Variants in GPR89A observed in about 807,000 individuals in gnomAD.
GPR89A encodes the protein G protein-coupled receptor 89A.
A neutral mutation model predicts 52.0 loss-of-function variants in GPR89A; 16 were observed. The observed-to-expected ratio is 0.31, with a 90% CI of 0.21 to 0.47. The LOEUF (loss-of-function observed/expected upper bound fraction) is 0.47, where lower values mean the gene tolerates loss of function less well. GPR89A is among the 20% of genes least tolerant of loss of function. The pLI is 1.00. For missense variants in GPR89A, 135 were observed against 449.4 expected, an observed-to-expected ratio of 0.30 and a Z score of 6.33; for synonymous variants, 55 against 150.9, an observed-to-expected ratio of 0.36 and a Z score of 4.66.
intron 10 of GPR89A, among the ~76,000 whole-genome samples, chr1:145,654,721 T>C (rs1162519802): frequency 2.6e-5 from 4 of 151,846 alleles, no homozygotes; most frequent in Admixed American, 1.3e-4. Flanking sequence ...CCTTGGAGAA[T>C]CTGATGATTA....
chr1:145,632,269 CAG>C (rs1207522692), intron 7 of GPR89A, among the ~76,000 whole-genome samples: 1 of 152,100 alleles, frequency 6.6e-6, no homozygotes, highest in East Asian at 1.9e-4. Flanking sequence ...AATTTACTCT[CAG>C]TGATTTTGAA....
At chr1:145,626,548 A>G (rs1649510044) in intron 5 of GPR89A, among the ~76,000 whole-genome samples, 1 of 152,070 alleles carries the variant, frequency 6.6e-6, no homozygotes, top group Non-Finnish European at 1.5e-5. Flanking sequence ...AGTAAGGAGG[A>G]AGAAAAGTTT....
chr1:145,662,769 C>CT (rs1261606243), intron 10 of GPR89A, among the ~76,000 whole-genome samples: 32 of 149,856 alleles, frequency 2.1e-4, no homozygotes, highest in Admixed American at 9.3e-4. Flanking sequence ...GTGGTTGTTT[C>CT]TTTTTTTTTA....
intron 5 of GPR89A, among the ~76,000 whole-genome samples, chr1:145,628,681 G>GTCA (rs1343637988): frequency 5.6e-4 from 86 of 152,266 alleles, no homozygotes; most frequent in Non-Finnish European, 8.8e-5. Context: ...ACAGTGCCTA[G>GTCA]TCATAGCAGG....
chr1:145,610,865 G>T (rs1407050420), intron 1 of GPR89A, among the ~76,000 whole-genome samples: 2 of 151,738 alleles, frequency 1.3e-5, no homozygotes, highest in Admixed American at 1.3e-4. Context: ...TTTAACAGTA[G>T]CTAATTTTCA....
At chr1:145,639,712 C>T (rs1165358722) in intron 7 of GPR89A, among the ~76,000 whole-genome samples, 2 of 150,590 alleles carry the variant, frequency 1.3e-5, no homozygotes, top group African/African-American at 4.9e-5. Context: ...GCTCCCCTGC[C>T]CTCCAGCCTG....
chr1:145,658,401 T>A (rs1162485370), intron 10 of GPR89A, among the ~76,000 whole-genome samples: 1 of 150,322 alleles, frequency 6.7e-6, no homozygotes, highest in Non-Finnish European at 1.5e-5. Flanking sequence ...GCCCAGGAGT[T>A]TGAGACTATC....
intron 1 of GPR89A, among the ~76,000 whole-genome samples, chr1:145,613,418 C>T (rs1648437464): frequency 6.6e-6 from 1 of 152,138 alleles, no homozygotes; most frequent in South Asian, 2.1e-4. Context: ...TATAATGTTT[C>T]TCTTTCTACA....
At chr1:145,619,273 C>A in intron 3 of GPR89A, among the ~76,000 whole-genome samples, 1 of 142,640 alleles carries the variant, frequency 7.0e-6, no homozygotes, top group African/African-American at 2.6e-5. Context: ...ACTTACTATA[C>A]AGATGGTTAA....
At chr1:145,655,600 G>T (rs185585877) in intron 10 of GPR89A, among the ~76,000 whole-genome samples, 1 of 152,114 alleles carries the variant, frequency 6.6e-6, no homozygotes, top group African/African-American at 2.4e-5. Context: ...TACCCTACTC[G>T]CCTGGGTCCC....
Position 145,669,818 on chromosome 1 carries a change from T to C in GPR89A, c.1162-16T>C, listed in dbSNP as rs1652855609. ...ACATTCAGAGTCACTTCTGGATTAA[T>C]TCATTTGACTTACAGGGCATGTACT... On this transcript the variant is annotated splice_polypyrimidine_tract_variant and intron_variant, in intron 13 of 13. Transcript: ENST00000313835. 2 of 1,365,648 alleles carry C rather than the reference T, an allele frequency of 1.5e-6. No individual in the cohort carries two copies. Among genetic ancestry groups the C allele is most frequent in the South Asian group, 1.2e-5 (1 of 85,230 alleles). 84.6% of individuals were successfully genotyped at this position (1,365,648 alleles called of 1,614,324 possible).
chr1:145,666,618 T>G (rs1221971460), intron 12 of GPR89A, among the ~76,000 whole-genome samples: 1 of 151,842 alleles, frequency 6.6e-6, no homozygotes, highest in Non-Finnish European at 1.5e-5. Flanking sequence ...GTTTGTTACA[T>G]TTGGATACAT....
chr1:145,616,885 G>A (rs189452020), intron 2 of GPR89A, among the ~76,000 whole-genome samples: 1 of 152,312 alleles, frequency 6.6e-6, no homozygotes, highest in South Asian at 2.1e-4. Context: ...GGGAGTGTAC[G>A]AATAGGGAGT....
At chr1:145,619,963 C>T (rs1385520751) in intron 3 of GPR89A, among the ~76,000 whole-genome samples, 12 of 151,814 alleles carry the variant, frequency 7.9e-5, no homozygotes, top group South Asian at 2.1e-4. Context: ...TGCAGTGAGC[C>T]GAGATTGTGC....
intron 12 of GPR89A, among the ~76,000 whole-genome samples, chr1:145,667,213 G>C (rs587700124): frequency 6.6e-6 from 1 of 152,178 alleles, no homozygotes; most frequent in Non-Finnish European, 1.5e-5. Flanking sequence ...CAGTGTAAAA[G>C]TGTTCCTGTT....
chr1:145,628,904 A>G (rs1649702219), intron 5 of GPR89A, among the ~76,000 whole-genome samples: 1 of 152,170 alleles, frequency 6.6e-6, no homozygotes, highest in Non-Finnish European at 1.5e-5. Flanking sequence ...CTCGAAGCCA[A>G]GAACAGAATT....
At chr1:145,619,610 TGA>T (rs1158501188) in intron 3 of GPR89A, among the ~76,000 whole-genome samples, 3 of 150,530 alleles carry the variant, frequency 2.0e-5, no homozygotes, top group Admixed American at 6.6e-5. Context: ...AAAAAAAGAG[TGA>T]GAGAGAGAGA....
intron 10 of GPR89A, among the ~76,000 whole-genome samples, chr1:145,661,356 A>G (rs1253257481): frequency 1.3e-5 from 2 of 150,012 alleles, no homozygotes; most frequent in Non-Finnish European, 3.0e-5. Flanking sequence ...ACCTAATGCT[A>G]AATGATGAGT....
intron 8 of GPR89A, 88 bp from the exon 9 acceptor site, chr1:145,646,096 C>G: frequency 1.2e-6 from 2 of 1,603,144 alleles, no homozygotes; most frequent in South Asian, 1.1e-5. Context: ...CGGGAATCCA[C>G]TGTAGGAAAA....
Sources: allele counts gnomAD v4.1 joint callset (sites outside exome capture counted in the v4.1 genomes callset), GRCh38; gene constraint gnomAD v4.1.1; transcripts MANE v1.5; gene names NCBI Gene and HGNC (gene_info 2026-07-23, HGNC 2026-07-21).